PSD2: variants seen among roughly 807,000 people sequenced by gnomAD.
PSD2 encodes the protein pleckstrin and Sec7 domain containing 2, also known as PH and SEC7 domain-containing protein 2.
Under a neutral mutation model 69.8 loss-of-function variants are expected in PSD2, and 38 were observed. The observed-to-expected ratio is 0.54, with a 90% CI of 0.42 to 0.71. PSD2 has a LOEUF of 0.71. Among genes scored for constraint, PSD2 ranks in the 30% least tolerant of loss-of-function variants. The probability of loss-of-function intolerance (pLI) is 0.00; values close to 1 mark genes in which losing one functional copy is unlikely to be tolerated. For synonymous variants in PSD2, 412 were observed against 423.0 expected, an observed-to-expected ratio of 0.97 and a Z score of 0.32; for missense variants, 943 against 1,014.5, an observed-to-expected ratio of 0.93 and a Z score of 0.96.
chr5:139,802,971 G>A (rs1483391649), intron 1 of PSD2, among the ~76,000 whole-genome samples: 1 of 152,198 alleles, frequency 6.6e-6, no homozygotes, highest in Non-Finnish European at 1.5e-5. Context: ...CCAAGGCAAG[G>A]GCTGGTTCCC....
the PSD2 span, among the ~76,000 whole-genome samples, chr5:139,767,713 A>T: frequency 6.6e-6 from 1 of 152,248 alleles, no homozygotes; most frequent in Non-Finnish European, 1.5e-5. Context: ...TCAGATGAGG[A>T]TGATATTGGA....
At chr5:139,766,576 G>A in the PSD2 span, among the ~76,000 whole-genome samples, 10 of 152,328 alleles carry the variant, frequency 6.6e-5, no homozygotes, top group African/African-American at 2.4e-4. Flanking sequence ...ACCTTGGCCT[G>A]TAGGACCCTC....
At chr5:139,759,960 C>T in the PSD2 span, among the ~76,000 whole-genome samples, 1 of 152,236 alleles carries the variant, frequency 6.6e-6, no homozygotes, top group African/African-American at 2.4e-5. Flanking sequence ...AGAGAAAGGC[C>T]AGGCCTTGCC....
chr5:139,806,505 G>A (rs573729870), intron 1 of PSD2, among the ~76,000 whole-genome samples: 2 of 152,364 alleles, frequency 1.3e-5, no homozygotes, highest in East Asian at 3.9e-4. Flanking sequence ...TTCCTCATTT[G>A]TCAAATATGG....
chr5:139,789,640 AC>A, the PSD2 span, among the ~76,000 whole-genome samples: 1,624 of 152,234 alleles, frequency 0.011, 35 homozygotes, highest in African/African-American at 0.038. Context: ...AATAGTGGGC[AC>A]TCATTATATG....
chr5:139,762,560 G>A, the PSD2 span, among the ~76,000 whole-genome samples: 2 of 152,192 alleles, frequency 1.3e-5, no homozygotes, highest in African/African-American at 4.8e-5. Context: ...CCCATGCTGA[G>A]CGCTCAATAA....
At chr5:139,834,575 A>T (rs1027029106) in intron 8 of PSD2, among the ~76,000 whole-genome samples, 1 of 151,890 alleles carries the variant, frequency 6.6e-6, no homozygotes, top group Non-Finnish European at 1.5e-5. Flanking sequence ...TGCTGAAATT[A>T]CAGGCGTAAG....
At position 139,796,637 on chromosome 5, in the gene PSD2, T is replaced by C. The variant is rs548125648; in HGVS notation, c.-51+662T>C. 1.5e-3 allele frequency among the ~76,000 whole-genome samples: 221 copies of C among 151,554 alleles called. 2 individuals carry two copies. Among genetic ancestry groups the C allele is most frequent in the African/African-American group, 5.1e-3 (212 of 41,238 alleles). On this transcript the variant is annotated intron_variant, in intron 1 of 14. Coordinates refer to ENST00000274710, the MANE Select transcript of PSD2 (RefSeq NM_032289.4). ...CTGCTGGGGCTGGGTGCAGAGGGAG[T>C]CCAGACTGGGGACAACCCTGCCCAG...
At chr5:139,788,050 T>A in the PSD2 span, among the ~76,000 whole-genome samples, 9 of 152,350 alleles carry the variant, frequency 5.9e-5, no homozygotes, top group Admixed American at 5.9e-4. Flanking sequence ...ATTCGCTTCC[T>A]TTCAGAGTGC....
At chr5:139,804,946 CGTGTGCGTGTGTAT>C (rs980003054) in intron 1 of PSD2, among the ~76,000 whole-genome samples, 5 of 149,374 alleles carry the variant, frequency 3.3e-5, no homozygotes, top group African/African-American at 9.9e-5. Context: ...TGTGTCTGCA[CGTGTGCGTGTGTAT>C]GTGTGCGTGT....
rs1378730113 is a variant in PSD2, at chr5:139,842,519, G to C, written c.*45G>C. The C allele has an allele frequency of 6.4e-7, 1 of 1,567,226 alleles. No individual in the cohort carries two copies. Among genetic ancestry groups the C allele is most frequent in the Admixed American group, 1.7e-5 (1 of 59,686 alleles). On this transcript the variant is annotated 3_prime_UTR_variant, in exon 15 of 15. Transcript: ENST00000274710. ...CCCAGGGTGGGCAGATGTCTCCAGT[G>C]GGGTCAGTGAGCACAATTCCAGCCA...
the PSD2 span, among the ~76,000 whole-genome samples, chr5:139,770,903 CAT>C: frequency 1.4e-3 from 213 of 152,312 alleles, 2 homozygotes; most frequent in Non-Finnish European, 2.6e-4. Context: ...GATGATTCTG[CAT>C]ATGAGTTAAA....
intron 9 of PSD2, among the ~76,000 whole-genome samples, chr5:139,836,477 A>C (rs766414826): frequency 5.3e-5 from 8 of 152,208 alleles, no homozygotes; most frequent in Non-Finnish European, 1.2e-4. Context: ...GGCCACGGTT[A>C]GTGCTCCCTG....
the PSD2 span, among the ~76,000 whole-genome samples, chr5:139,747,709 A>G: frequency 6.6e-6 from 1 of 152,328 alleles, no homozygotes; most frequent in South Asian, 2.1e-4. This position sits in a 1 kb window ranked among gnomAD's most constrained non-coding sequence, Gnocchi z 6.7. Flanking sequence ...GTCAGACCCA[A>G]TTTATCTCGC....
At position 139,822,718 on chromosome 5, in the gene PSD2, T is replaced by C; in HGVS notation, c.1211-8T>C. 6.2e-7 allele frequency: 1 copy of C among 1,607,808 alleles called. No homozygotes were observed. On this transcript the variant is annotated splice_region_variant and splice_polypyrimidine_tract_variant and intron_variant, in intron 6 of 14. Transcript: ENST00000274710. ...CTCGCACTGAGAGTGCCACCATCTC[T>C]GACTCAGATGGGATCCACACGCTCA... is the stretch of plus-strand genomic sequence containing the variant.
At chr5:139,766,912 C>CTCTCTTTCTTT in the PSD2 span, among the ~76,000 whole-genome samples, 1 of 64,774 alleles carries the variant, frequency 1.5e-5, no homozygotes, top group Admixed American at 1.5e-4. Context: ...TCCCTCCCTT[C>CTCTCTTTCTTT]CTTCCTTCCT....
chr5:139,760,786 G>C, the PSD2 span, among the ~76,000 whole-genome samples: 1 of 152,174 alleles, frequency 6.6e-6, no homozygotes, highest in Non-Finnish European at 1.5e-5. Flanking sequence ...AGGGGGAATG[G>C]CTCTCCCAAA....
chr5:139,789,092 C>T, the PSD2 span, among the ~76,000 whole-genome samples: 4 of 152,350 alleles, frequency 2.6e-5, no homozygotes, highest in African/African-American at 9.6e-5. Context: ...CCTGACTGCA[C>T]GGTTTCCCTA....
chr5:139,839,900 C>T lies in PSD2; in HGVS notation c.1969-127C>T, dbSNP rs988163400. 48 of 1,016,204 alleles carry T rather than the reference C, an allele frequency of 4.7e-5. No individual in the cohort carries two copies. The highest frequency in any genetic ancestry group is 1.2e-4 in the Admixed American group (6 of 48,694). 62.9% of individuals were successfully genotyped at this position (1,016,204 alleles called of 1,614,324 possible). A position where few individuals can be genotyped will look rare whatever the true frequency, so the allele number is the denominator to read the frequency against. On this transcript the variant is annotated intron_variant, in intron 13 of 14. Coordinates refer to ENST00000274710, the MANE Select transcript of PSD2 (RefSeq NM_032289.4). This position sits in a 1 kb window ranked among gnomAD's most constrained non-coding sequence, Gnocchi z 5.1. ...CAGGTCCAGAGTCTGGCTCTGTCCC[C>T]ACATTTTGGTGATGCTGGCTAGGCC...
Sources: gnomAD v4.1 joint callset for allele counts (sites outside exome capture counted in the v4.1 genomes callset) on GRCh38, gnomAD v4.1.1 for gene constraint, Gnocchi (gnomAD v3.1) non-coding constraint, MANE v1.5 for transcripts, NCBI Gene and HGNC (gene_info 2026-07-23, HGNC 2026-07-21) for gene names.